Variants in MSRB3 observed in about 807,000 individuals in gnomAD.
MSRB3 encodes the protein methionine sulfoxide reductase B3, also known as methionine-R-sulfoxide reductase B3.
In MSRB3, 13 loss-of-function variants were observed where a neutral mutation model predicts 21.0. That is an observed-to-expected ratio of 0.62 (90% CI 0.40 to 0.98). The LOEUF is 0.98. Ranked by LOEUF, MSRB3 falls within the 50% of genes least tolerant of loss-of-function variation. The pLI, the probability that MSRB3 is intolerant of heterozygous loss-of-function variation, is 0.00. For missense variants in MSRB3, 199 were observed against 230.3 expected (o/e 0.86, Z 0.88); for synonymous variants, 87 against 88.6 (o/e 0.98, Z 0.10).
At chr12:65,339,656 G>T (rs1876012713) in intron 4 of MSRB3, among the ~76,000 whole-genome samples, 1 of 152,042 alleles carries the variant, frequency 6.6e-6, no homozygotes. Context: ...TATTTTCTTT[G>T]TTTTTAATAT....
intron 1 of MSRB3, 160 bp downstream of exon 1, chr12:65,279,025 A>G: frequency 2.1e-6 from 3 of 1,442,592 alleles, no homozygotes; most frequent in East Asian, 2.6e-5. Flanking sequence ...GAAGGGGAGC[A>G]GAAGGGTTGC....
In MSRB3 at chr12:65,328,986, C is replaced by T. The variant is rs1048975570; in HGVS notation, c.263+383C>T. 3.9e-5 allele frequency among the ~76,000 whole-genome samples: 6 copies of T among 152,188 alleles called. No homozygotes were observed. The East Asian group carries it at 9.6e-4, about 24-fold the overall frequency. ...TGAAAAGTTCTTCATGTATATACTT[C>T]ACATTGAATAAAATCCACCAAGTAG... On this transcript the variant is annotated intron_variant, in intron 4 of 6. Coordinates refer to ENST00000308259, the MANE Select transcript of MSRB3 (RefSeq NM_001031679.3).
At chr12:65,346,632 T>C (rs1334183440) in intron 4 of MSRB3, among the ~76,000 whole-genome samples, 5 of 152,174 alleles carry the variant, frequency 3.3e-5, no homozygotes, top group Non-Finnish European at 5.9e-5. Context: ...GCCATTGCTT[T>C]TGGTGTTTTA....
Position 65,397,986 on chromosome 12 carries a change from A to G in MSRB3, c.292+28960A>G, listed in dbSNP as rs184844532. Among the ~76,000 whole-genome samples the G allele has an allele frequency of 1.6e-4, 24 of 152,140 alleles. No homozygotes were observed. The East Asian group carries it at 4.6e-3, about 29-fold the overall frequency. Reference sequence around the variant, plus strand: ...GTATTCCATGATGTATATGTGCCACATTTTCTTCGTTCAGTCTATCATTGA... The same window carrying G: ...GTATTCCATGATGTATATGTGCCACGTTTTCTTCGTTCAGTCTATCATTGA... On this transcript the variant is annotated intron_variant, in intron 5 of 6. Coordinates refer to ENST00000308259, the MANE Select transcript of MSRB3 (RefSeq NM_001031679.3).
At chr12:65,372,685 G>A (rs1878391368) in intron 5 of MSRB3, among the ~76,000 whole-genome samples, 1 of 152,202 alleles carries the variant, frequency 6.6e-6, no homozygotes, top group Admixed American at 6.5e-5. Context: ...TGAGTTTAAT[G>A]TAGTGATTAA....
At chr12:65,401,224 A>C (rs1880105642) in intron 5 of MSRB3, among the ~76,000 whole-genome samples, 1 of 152,158 alleles carries the variant, frequency 6.6e-6, no homozygotes, top group African/African-American at 2.4e-5. Context: ...AATGTCTCCC[A>C]CTATTATTGT....
At chr12:65,353,202 T>G (rs1407860892) in intron 4 of MSRB3, among the ~76,000 whole-genome samples, 1 of 152,166 alleles carries the variant, frequency 6.6e-6, no homozygotes, top group Non-Finnish European at 1.5e-5. Flanking sequence ...GTATATTCTG[T>G]TGATTTGGGG....
At chr12:65,349,293 T>C (rs1231322498) in intron 4 of MSRB3, among the ~76,000 whole-genome samples, 2 of 151,856 alleles carry the variant, frequency 1.3e-5, no homozygotes, top group Non-Finnish European at 2.9e-5. Flanking sequence ...CACATTTTCT[T>C]AATCCAGTCT....
intron 4 of MSRB3, among the ~76,000 whole-genome samples, chr12:65,361,947 C>T (rs1478895737): frequency 5.3e-5 from 8 of 151,960 alleles, no homozygotes; most frequent in South Asian, 2.1e-4. Flanking sequence ...TAATGGGCAC[C>T]TTTTATTTAA....
At chr12:65,360,459 G>A (rs954015552) in intron 4 of MSRB3, among the ~76,000 whole-genome samples, 4 of 151,992 alleles carry the variant, frequency 2.6e-5, no homozygotes, top group African/African-American at 9.7e-5. Flanking sequence ...ATATCAACAA[G>A]GCCTAGGGAA....
chr12:65,350,008 G>A (rs867234385), intron 4 of MSRB3, among the ~76,000 whole-genome samples: 6,354 of 152,112 alleles, frequency 0.042, 432 homozygotes, highest in African/African-American at 0.14. Context: ...GAATGGTGAT[G>A]CCTAGGTTTT....
At chr12:65,463,008 G>A in intron 6 of MSRB3, 147 bp from the exon 7 acceptor site, 1 of 967,150 alleles carries the variant, frequency 1.0e-6, no homozygotes, top group Non-Finnish European at 1.6e-6. Context: ...CATCTTTGCG[G>A]CTATTGACAG....
At chr12:65,337,068 C>T (rs970669778) in intron 4 of MSRB3, among the ~76,000 whole-genome samples, 46 of 152,104 alleles carry the variant, frequency 3.0e-4, no homozygotes, top group African/African-American at 9.9e-4. Context: ...ATGGTGAAAC[C>T]TCATCTCTAC....
At chr12:65,360,606 T>TC (rs1877644776) in intron 4 of MSRB3, among the ~76,000 whole-genome samples, 1 of 152,162 alleles carries the variant, frequency 6.6e-6, no homozygotes, top group African/African-American at 2.4e-5. Flanking sequence ...CCCTTCTCTC[T>TC]GTTTTCCTCT....
chr12:65,396,020 T>C (rs1452651254), intron 5 of MSRB3, among the ~76,000 whole-genome samples: 1 of 152,182 alleles, frequency 6.6e-6, no homozygotes, highest in African/African-American at 2.4e-5. Context: ...CTGCTCTAAT[T>C]TTTTTTCTTT....
chr12:65,297,761 T>C (rs1200239989), intron 1 of MSRB3, among the ~76,000 whole-genome samples: 3 of 152,150 alleles, frequency 2.0e-5, no homozygotes, highest in Non-Finnish European at 4.4e-5. Context: ...TGGTCAGAAC[T>C]AGTACACAGC....
intron 1 of MSRB3, among the ~76,000 whole-genome samples, 182 bp from the exon 2 acceptor site, chr12:65,308,347 G>A (rs1873779169): frequency 6.6e-6 from 1 of 152,048 alleles, no homozygotes; most frequent in Non-Finnish European, 1.5e-5. Flanking sequence ...TACCTCTAAG[G>A]TACAAATAAA....
At chr12:65,334,155 C>A (rs1415702471) in intron 4 of MSRB3, among the ~76,000 whole-genome samples, 5 of 152,190 alleles carry the variant, frequency 3.3e-5, no homozygotes, top group Non-Finnish European at 7.3e-5. Flanking sequence ...TTTGTATACA[C>A]TTATTCAGCA....
intron 5 of MSRB3, among the ~76,000 whole-genome samples, chr12:65,444,994 G>A (rs1323137299): frequency 6.6e-6 from 1 of 151,980 alleles, no homozygotes; most frequent in African/African-American, 2.4e-5. Flanking sequence ...TTTCCAATCT[G>A]CATCTTGAGC....
Sources: gnomAD v4.1 joint callset for allele counts (sites outside exome capture counted in the v4.1 genomes callset) on GRCh38, gnomAD v4.1.1 for gene constraint, MANE v1.5 for transcripts, NCBI Gene and HGNC (gene_info 2026-07-23, HGNC 2026-07-21) for gene names.